Variants in FBN2 observed in about 807,000 individuals in gnomAD.
FBN2 encodes fibrillin 2, also known as fibrillin-2.
Under a neutral mutation model 355.6 loss-of-function variants are expected in FBN2, and 105 were observed. That is an observed-to-expected ratio of 0.30 (90% CI 0.25 to 0.35). The LOEUF (loss-of-function observed/expected upper bound fraction) is 0.35, where lower values mean the gene tolerates loss of function less well. Among genes scored for constraint, FBN2 ranks in the 10% least tolerant of loss-of-function variants. FBN2 has a pLI of 1.00. For synonymous variants in FBN2, 1,350 were observed against 1,301.2 expected, an observed-to-expected ratio of 1.04 and a Z score of -0.81; for missense variants, 3,280 against 3,758.7, an observed-to-expected ratio of 0.87 and a Z score of 3.33.
intron 48 of FBN2, among the ~76,000 whole-genome samples, chr5:128,299,969 A>C (rs1271990424): frequency 6.6e-6 from 1 of 152,214 alleles, no homozygotes; most frequent in Non-Finnish European, 1.5e-5. Flanking sequence ...CAGAATGACT[A>C]GGGGATACCC....
intron 25 of FBN2, among the ~76,000 whole-genome samples, chr5:128,343,773 T>C (rs1032327051): frequency 5.3e-5 from 8 of 152,240 alleles, no homozygotes; most frequent in African/African-American, 1.9e-4. Context: ...TATATAATTC[T>C]TGTGGATTTA....
Position 128,429,408 on chromosome 5 carries a change from G to A in FBN2, c.952+17073C>T, listed in dbSNP as rs147095984. 1.8e-3 allele frequency among the ~76,000 whole-genome samples: 271 copies of A among 152,118 alleles called. 2 individuals carry two copies. Among genetic ancestry groups the A allele is most frequent in the South Asian group, 2.9e-3 (14 of 4,808 alleles). ...GTATAGCAGTATTCCTAAAAAAATCGGAAATGAAATTTTAATTATCTTCTT... is the reference window on the plus strand; with the variant it reads ...GTATAGCAGTATTCCTAAAAAAATCAGAAATGAAATTTTAATTATCTTCTT... On this transcript the variant is annotated intron_variant, in intron 7 of 64. Coordinates refer to ENST00000262464, the MANE Select transcript of FBN2 (RefSeq NM_001999.4).
Position 128,280,287 on chromosome 5 carries a change from A to G in FBN2, c.7043T>C (p.Ile2348Thr). The change falls in exon 56 of 65, where the codon ATC (isoleucine) becomes ACC (threonine). Residue 2348 changes from isoleucine (I) to threonine (T), a missense_variant. By Grantham distance (89) the Ile-to-Thr change is moderately conservative. Around this residue, in one of 6 missense-constraint regions of FBN2, gnomAD observed 2,284 missense variants for 2,749.5 expected, o/e 0.83. Coordinates refer to ENST00000262464, the MANE Select transcript of FBN2 (RefSeq NM_001999.4). ...DENECRTKPG[I>T]CENGRCVNII... ...GTTAACACAACGTCCATTTTCACAG[A>G]TTCCTGGCTTGGTCCTGCATTCATT... is the stretch of plus-strand genomic sequence containing the variant. 1 of 1,611,804 alleles carries G rather than the reference A, an allele frequency of 6.2e-7. No homozygotes were observed. The highest frequency in any genetic ancestry group is 8.5e-7 in the Non-Finnish European group (1 of 1,178,102).
Position 128,461,978 on chromosome 5 carries a change from A to G in FBN2, c.826+2746T>C, listed in dbSNP as rs574460506. ...TCGTTTTTTTAATAAGAAATAAAGC[A>G]AAATAAATAAATAAAATAAAGTTAC... On this transcript the variant is annotated intron_variant, in intron 6 of 64. Transcript: ENST00000262464. Among the ~76,000 whole-genome samples, 10 of 152,306 alleles carry G rather than the reference A, an allele frequency of 6.6e-5. No homozygotes were observed. In the East Asian group the frequency reaches 1.9e-3, roughly 29 times the overall value.
intron 11 of FBN2, among the ~76,000 whole-genome samples, chr5:128,385,320 T>G (rs1398021628): frequency 1.3e-5 from 2 of 152,132 alleles, no homozygotes. Flanking sequence ...TGGTTTTCTG[T>G]GTCTGTGTTA....
chr5:128,386,811 C>A (rs1378948974), intron 11 of FBN2, among the ~76,000 whole-genome samples: 1 of 152,080 alleles, frequency 6.6e-6, no homozygotes, highest in Admixed American at 6.6e-5. Context: ...GATGAATTAG[C>A]TTTTTGATGT....
chr5:128,520,815 T>A (rs1756412040), intron 4 of FBN2, among the ~76,000 whole-genome samples: 1 of 152,116 alleles, frequency 6.6e-6, no homozygotes, highest in African/African-American at 2.4e-5. Flanking sequence ...CTAGGAACCA[T>A]ACCCTTCTGC....
intron 4 of FBN2, among the ~76,000 whole-genome samples, chr5:128,519,946 A>AAAT (rs1756387280): frequency 1.3e-5 from 2 of 152,194 alleles, no homozygotes; most frequent in South Asian, 4.1e-4. Context: ...AAATACCATC[A>AAAT]ACGTTAGCTA....
intron 13 of FBN2, 78 bp downstream of exon 13, chr5:128,377,674 A>C (rs886527045): frequency 1.3e-6 from 2 of 1,485,374 alleles, no homozygotes; most frequent in African/African-American, 1.4e-5. Context: ...GTGAGCTTTC[A>C]TGGAAATAGT....
At chr5:128,262,015 A>C in intron 63 of FBN2, 108 bp from the exon 64 acceptor site, 1 of 844,882 alleles carries the variant, frequency 1.2e-6, no homozygotes. Flanking sequence ...AGCAAACACT[A>C]AACTCATAAA....
At chr5:128,403,528 G>A (rs1244416861) in intron 8 of FBN2, among the ~76,000 whole-genome samples, 3 of 152,120 alleles carry the variant, frequency 2.0e-5, no homozygotes, top group East Asian at 3.9e-4. Context: ...TTGCCAACGC[G>A]TTATTTATTG....
At chr5:128,468,968 T>A (rs56073115) in intron 5 of FBN2, among the ~76,000 whole-genome samples, 7,989 of 152,250 alleles carry the variant, frequency 0.052, 275 homozygotes, top group South Asian at 0.085. Flanking sequence ...TTATATACAG[T>A]GTTCTGAACC....
chr5:128,426,113 C>G (rs1753475988), intron 7 of FBN2, among the ~76,000 whole-genome samples: 1 of 152,114 alleles, frequency 6.6e-6, no homozygotes, highest in African/African-American at 2.4e-5. Context: ...ACAAGCCATT[C>G]ACTGGCATTC....
At chr5:128,402,279 C>T (rs2126991586) in intron 8 of FBN2, among the ~76,000 whole-genome samples, 1 of 152,110 alleles carries the variant, frequency 6.6e-6, no homozygotes. Flanking sequence ...CCTGTAAAAA[C>T]AAAATCCCTC....
chr5:128,300,996 A>T, intron 47 of FBN2, 60 bp from the exon 48 acceptor site: 5 of 1,515,204 alleles, frequency 3.3e-6, no homozygotes, highest in East Asian at 2.3e-5. Flanking sequence ...ACATAGATTT[A>T]TCTGTCTGCC....
chr5:128,293,333 A>C (rs1368150857), intron 48 of FBN2, among the ~76,000 whole-genome samples: 1 of 152,170 alleles, frequency 6.6e-6, no homozygotes, highest in Non-Finnish European at 1.5e-5. Flanking sequence ...CTCTACTATA[A>C]GTACAAAAAT....
rs1333850133 is a variant in FBN2, at chr5:128,296,562, T to C, written c.6166+4255A>G. ...GATTCAACTTCTTCCTGGTTTAGTC[T>C]TGGGAGAGTGTATGTGTCAAGGAAT... On this transcript the variant is annotated intron_variant, in intron 48 of 64. Transcript: ENST00000262464. Among the ~76,000 whole-genome samples the C allele has an allele frequency of 3.3e-5, 5 of 152,236 alleles. No individual in the cohort carries two copies. The East Asian group carries it at 9.6e-4, about 29-fold the overall frequency.
rs542813430 is a variant in FBN2 at position 128,456,048 on chromosome 5, T to C, written c.826+8676A>G. On this transcript the variant is annotated intron_variant, in intron 6 of 64. Coordinates refer to ENST00000262464, the MANE Select transcript of FBN2 (RefSeq NM_001999.4). ...AGCAACTGCTGAACACACTAAGCTC[T>C]CTGGGCACGGGGAAGGGCTGCATCC... 1.3e-4 allele frequency among the ~76,000 whole-genome samples: 16 copies of C among 121,504 alleles called. 1 individual carries two copies. The South Asian group carries it at 4.1e-3, about 31-fold the overall frequency. 79.7% of individuals were successfully genotyped at this position (121,504 alleles called of 152,430 possible). A position where few individuals can be genotyped will look rare whatever the true frequency, so the allele number is the denominator to read the frequency against.
At chr5:128,421,975 GA>G (rs1753360357) in intron 7 of FBN2, among the ~76,000 whole-genome samples, 1 of 152,130 alleles carries the variant, frequency 6.6e-6, no homozygotes, top group Non-Finnish European at 1.5e-5. Context: ...GTAGAACAAG[GA>G]AATAGAGTGT....
Sources: allele counts gnomAD v4.1 joint callset (sites outside exome capture counted in the v4.1 genomes callset), GRCh38; gene constraint gnomAD v4.1.1; regional missense constraint gnomAD v4.1.1; transcripts MANE v1.5; gene names NCBI Gene and HGNC (gene_info 2026-07-23, HGNC 2026-07-21).